The following PRKCE variants were observed in gnomAD, a reference collection of about 807,000 sequenced individuals.
PRKCE encodes protein kinase C epsilon.
Under a neutral mutation model 85.4 loss-of-function variants are expected in PRKCE, and 16 were observed. The ratio of observed to expected loss-of-function variants is 0.19; its 90% CI spans 0.13 to 0.28. PRKCE has a LOEUF of 0.28. Among genes scored for constraint, PRKCE ranks in the 10% least tolerant of loss-of-function variants. The pLI is 1.00. For missense variants in PRKCE, 573 were observed against 975.2 expected (o/e 0.59, Z 5.49); for synonymous variants, 388 against 371.5 (o/e 1.04, Z -0.51).
rs1430438746 is a variant in PRKCE at position 46,187,202 on chromosome 2, AG to A, written c.*2324del. The A allele has an allele frequency of 6.6e-6, 1 of 152,660 alleles. No individual in the cohort carries two copies. Among genetic ancestry groups the A allele is most frequent in the Non-Finnish European group, 1.5e-5 (1 of 68,038 alleles). The allele number at this position is 152,660 out of a possible 1,614,324, so 9.5% of individuals were successfully genotyped here. ...CCGCAATGCCAGATGGCCTTGTCCG[AG>A]GGCCTAGTGTTTGCACGGCAGTGGG... is the stretch of plus-strand genomic sequence containing the variant. On this transcript the variant is annotated 3_prime_UTR_variant, in exon 15 of 15. Transcript: ENST00000306156.
intron 2 of PRKCE, among the ~76,000 whole-genome samples, chr2:45,862,672 C>T (rs1693262162): frequency 6.6e-6 from 1 of 152,182 alleles, no homozygotes; most frequent in African/African-American, 2.4e-5. Flanking sequence ...TCACGGGAAC[C>T]AGGTCACAAT....
chr2:45,979,642 T>C (rs1405457597), intron 4 of PRKCE, among the ~76,000 whole-genome samples: 2 of 152,176 alleles, frequency 1.3e-5, no homozygotes, highest in African/African-American at 4.8e-5. Flanking sequence ...TTTTCCTGTC[T>C]CCTCGCCAAG....
chr2:45,885,002 T>TATATATTTTTTTTTTTG (rs1553440407), intron 2 of PRKCE, among the ~76,000 whole-genome samples: 1 of 97,640 alleles, frequency 1.0e-5, no homozygotes, highest in Non-Finnish European at 2.1e-5. Flanking sequence ...TATATATATA[T>TATATATTTTTTTTTTTG]TTGTTGTTGT....
chr2:45,679,670 A>G (rs927583716), intron 1 of PRKCE, among the ~76,000 whole-genome samples: 4 of 152,104 alleles, frequency 2.6e-5, no homozygotes, highest in African/African-American at 9.7e-5. Context: ...TGCATGTGGA[A>G]CACTTACAAG....
intron 1 of PRKCE, among the ~76,000 whole-genome samples, 182 bp from the exon 2 acceptor site, chr2:45,842,818 C>G (rs534802003): frequency 6.6e-6 from 1 of 152,306 alleles, no homozygotes; most frequent in East Asian, 1.9e-4. Flanking sequence ...ATGGTGCTAC[C>G]TATGGGGTAT....
At chr2:46,014,782 T>C (rs1705985379) in intron 10 of PRKCE, among the ~76,000 whole-genome samples, 2 of 152,180 alleles carry the variant, frequency 1.3e-5, no homozygotes, top group South Asian at 2.1e-4. Context: ...GGTTTCCTGA[T>C]GGAGGTAGAA....
At chr2:45,716,958 A>G (rs1345127804) in intron 1 of PRKCE, among the ~76,000 whole-genome samples, 1 of 152,206 alleles carries the variant, frequency 6.6e-6, no homozygotes, top group Non-Finnish European at 1.5e-5. Context: ...CACTATCATG[A>G]GAATAGCATG....
intron 2 of PRKCE, among the ~76,000 whole-genome samples, chr2:45,971,618 C>A (rs887142963): frequency 2.0e-5 from 3 of 152,178 alleles, no homozygotes; most frequent in Non-Finnish European, 4.4e-5. Context: ...AGAAGACAAT[C>A]TCTTTTGAAT....
intron 2 of PRKCE, among the ~76,000 whole-genome samples, chr2:45,852,774 A>G (rs1692378622): frequency 1.3e-5 from 2 of 152,234 alleles, no homozygotes; most frequent in Non-Finnish European, 2.9e-5. Context: ...ATTTAAGTCT[A>G]AATGGATCTG....
intron 1 of PRKCE, among the ~76,000 whole-genome samples, chr2:45,839,598 A>G (rs1048915488): frequency 2.0e-5 from 3 of 152,214 alleles, no homozygotes; most frequent in East Asian, 3.8e-4. Context: ...CCTGGTGCCA[A>G]TGCAGACTGA....
At chr2:45,923,759 G>A (rs541598985) in intron 2 of PRKCE, among the ~76,000 whole-genome samples, 1 of 152,308 alleles carries the variant, frequency 6.6e-6, no homozygotes, top group African/African-American at 2.4e-5. Flanking sequence ...AAGGCTCCCT[G>A]GGGAGGGGGC....
At chr2:46,081,590 C>A (rs12467673) in intron 10 of PRKCE, among the ~76,000 whole-genome samples, 65,968 of 152,082 alleles carry the variant, frequency 0.43, 17,012 homozygotes, top group Non-Finnish European at 0.55. Context: ...GGGGCAGCTT[C>A]CTGGGAGAAA....
intron 2 of PRKCE, among the ~76,000 whole-genome samples, chr2:45,946,313 T>C (rs1299339753): frequency 2.6e-5 from 4 of 152,242 alleles, no homozygotes; most frequent in African/African-American, 9.6e-5. Context: ...TTCCATTTTT[T>C]TTCTGGCTCT....
chr2:45,682,650 G>T (rs568299832), intron 1 of PRKCE, among the ~76,000 whole-genome samples: 5 of 152,072 alleles, frequency 3.3e-5, no homozygotes, highest in Non-Finnish European at 5.9e-5. Context: ...GCAATGGCGC[G>T]ATCTCCACTC....
intron 10 of PRKCE, among the ~76,000 whole-genome samples, chr2:46,083,048 A>G (rs1669246816): frequency 6.6e-6 from 1 of 152,082 alleles, no homozygotes; most frequent in South Asian, 2.1e-4. Flanking sequence ...CCCGAGCTCA[A>G]ATGATTCTCT....
At chr2:45,874,495 A>G (rs529615115) in intron 2 of PRKCE, among the ~76,000 whole-genome samples, 2 of 152,232 alleles carry the variant, frequency 1.3e-5, no homozygotes, top group African/African-American at 4.8e-5. Context: ...GGCTCTCCCA[A>G]CTTGGCAACT....
intron 2 of PRKCE, among the ~76,000 whole-genome samples, chr2:45,975,396 C>G (rs555441902): frequency 6.6e-6 from 1 of 152,266 alleles, no homozygotes; most frequent in East Asian, 1.9e-4. Context: ...GGTGGACATC[C>G]AAGATCAGGG....
At chr2:45,960,893 A>G (rs1360343698) in intron 2 of PRKCE, among the ~76,000 whole-genome samples, 3 of 152,150 alleles carry the variant, frequency 2.0e-5, no homozygotes, top group Non-Finnish European at 4.4e-5. Context: ...CAACCTCTCC[A>G]AAAAGGATCT....
chr2:45,713,059 C>G (rs141387307), intron 1 of PRKCE, among the ~76,000 whole-genome samples: 1 of 152,348 alleles, frequency 6.6e-6, no homozygotes, highest in African/African-American at 2.4e-5. Flanking sequence ...TGGTCCCAGT[C>G]TGGTGCTGAC....
Sources: gnomAD v4.1 joint callset for allele counts (sites outside exome capture counted in the v4.1 genomes callset) on GRCh38, gnomAD v4.1.1 for gene constraint, MANE v1.5 for transcripts, NCBI Gene and HGNC (gene_info 2026-07-23, HGNC 2026-07-21) for gene names.